EVC: variants seen among roughly 807,000 people sequenced by gnomAD.
EVC encodes the protein evC complex member EVC.
A neutral mutation model predicts 118.9 loss-of-function variants in EVC; 116 were observed. The ratio of observed to expected loss-of-function variants is 0.98; its 90% CI spans 0.84 to 1.14. The LOEUF (loss-of-function observed/expected upper bound fraction) is 1.14, where lower values mean the gene tolerates loss of function less well. Ranked by LOEUF, EVC falls within the 50% of genes most tolerant of loss-of-function variation. The pLI, the probability that EVC is intolerant of heterozygous loss-of-function variation, is 0.00. For synonymous variants in EVC, 619 were observed against 534.7 expected (o/e 1.16, Z -2.18); for missense variants, 1,401 against 1,246.4 (o/e 1.12, Z -1.87).
intron 2 of EVC, among the ~76,000 whole-genome samples, chr4:5,727,141 C>T (rs1417748391): frequency 4.5e-4 from 69 of 151,998 alleles, no homozygotes; most frequent in African/African-American, 1.5e-3. Flanking sequence ...CCTGAGGAAT[C>T]GCCACACTGA....
chr4:5,787,471 G>A (rs979004544), intron 12 of EVC, among the ~76,000 whole-genome samples: 3 of 152,306 alleles, frequency 2.0e-5, no homozygotes, highest in African/African-American at 7.2e-5. Flanking sequence ...GCCATTGCTG[G>A]ACTTGAAGAC....
intron 8 of EVC, among the ~76,000 whole-genome samples, chr4:5,750,753 A>G (rs186492242): frequency 6.6e-6 from 1 of 152,354 alleles, no homozygotes; most frequent in East Asian, 1.9e-4. Flanking sequence ...CCTGCAGGCC[A>G]CATGTCAGCA....
chr4:5,746,187 A>C lies in EVC; in HGVS notation c.939+846A>C, dbSNP rs1211075900. ...CAGCGAGATGGGAGTGTCTATTGCC[A>C]GCGAGGTGGGAGTCACTGAAGCTTT... On this transcript the variant is annotated intron_variant, in intron 7 of 20. Coordinates refer to ENST00000264956, the MANE Select transcript of EVC (RefSeq NM_153717.3). This position sits in a 1 kb window ranked among gnomAD's most constrained non-coding sequence, Gnocchi z 5.8. 6.6e-6 allele frequency among the ~76,000 whole-genome samples: 1 copy of C among 152,234 alleles called. No individual in the cohort carries two copies. Among genetic ancestry groups the C allele is most frequent in the Non-Finnish European group, 1.5e-5 (1 of 68,042 alleles).
At chr4:5,796,975 G>A (rs192954180) in intron 13 of EVC, 47 bp from the exon 14 acceptor site, 1,779 of 1,415,972 alleles carry the variant, frequency 1.3e-3, no homozygotes, top group Non-Finnish European at 1.6e-3. Context: ...CACTGGCTTC[G>A]TGAAGCCAAG....
At chr4:5,810,511 G>C in intron 20 of EVC, 61 bp downstream of exon 20, 1 of 1,316,756 alleles carries the variant, frequency 7.6e-7, no homozygotes, top group Non-Finnish European at 1.1e-6. Flanking sequence ...CTCAGCTGCT[G>C]TGTGCCAAAA....
chr4:5,821,035 C>G, the EVC span: 3 of 152,230 alleles, frequency 2.0e-5, no homozygotes, highest in African/African-American at 7.2e-5. This position sits in a 1 kb window ranked among gnomAD's most constrained non-coding sequence, Gnocchi z 4.4. Context: ...GAACCTGGCT[C>G]GGCCTGAAGC....
intron 15 of EVC, 53 bp from the exon 16 acceptor site, chr4:5,801,897 T>G (rs1577637930): frequency 2.5e-6 from 4 of 1,590,880 alleles, no homozygotes; most frequent in Non-Finnish European, 3.4e-6. Flanking sequence ...GGGCCGTGGG[T>G]GGCTCCCACG....
rs1268800623 is a variant in EVC, at chr4:5,765,169, T to C, written c.1563+8807T>C. On this transcript the variant is annotated intron_variant, in intron 11 of 20. Coordinates refer to ENST00000264956, the MANE Select transcript of EVC (RefSeq NM_153717.3). ...CTTCATTTTGTTATGTATCCAGTAGTCATTCAGGAGCAGGTTGTTCAGTTT... is the reference window on the plus strand; with the variant it reads ...CTTCATTTTGTTATGTATCCAGTAGCCATTCAGGAGCAGGTTGTTCAGTTT... Among the ~76,000 whole-genome samples, 6 of 118,114 alleles carry C rather than the reference T, an allele frequency of 5.1e-5. 1 individual carries two copies. The highest frequency in any genetic ancestry group is 2.0e-4 in the African/African-American group (6 of 30,406). 77.5% of individuals were successfully genotyped at this position (118,114 alleles called of 152,430 possible). A position where few individuals can be genotyped will look rare whatever the true frequency, so the allele number is the denominator to read the frequency against.
rs147500557 is a variant in EVC, at chr4:5,801,068, G to C, written c.2305-882G>C. ...CATCCCCAATGATGGGATGTCTCAG[G>C]GTCTCCTGTCTTTTCTACTTTGGTC... is the stretch of plus-strand genomic sequence containing the variant. On this transcript the variant is annotated intron_variant, in intron 15 of 20. Coordinates refer to ENST00000264956, the MANE Select transcript of EVC (RefSeq NM_153717.3). Among the ~76,000 whole-genome samples the C allele has an allele frequency of 7.7e-3, 1,173 of 152,254 alleles. 15 individuals carry two copies. Among genetic ancestry groups the C allele is most frequent in the African/African-American group, 0.026 (1,100 of 41,534 alleles).
At chr4:5,821,817 G>C in the EVC span, 7 of 1,610,082 alleles carry the variant, frequency 4.3e-6, no homozygotes. This position sits in a 1 kb window ranked among gnomAD's most constrained non-coding sequence, Gnocchi z 4.4. Context: ...TGCGGTGGCC[G>C]GTGCGCCTGG....
chr4:5,729,116 C>T (rs1447117401), intron 2 of EVC, among the ~76,000 whole-genome samples, 191 bp from the exon 3 acceptor site: 1 of 152,066 alleles, frequency 6.6e-6, no homozygotes, highest in Non-Finnish European at 1.5e-5. Context: ...ATCTATCCAT[C>T]CATCTGTTTG....
chr4:5,743,290 A>G lies in EVC; in HGVS notation c.801+1476A>G, dbSNP rs2152013341. Reference sequence around the variant, plus strand: ...TGATCAGCAGGGTTGTGATCAGAAAACAAGTCCTGCCAGTCTCCTACCTCA... The same window carrying G: ...TGATCAGCAGGGTTGTGATCAGAAAGCAAGTCCTGCCAGTCTCCTACCTCA... On this transcript the variant is annotated intron_variant, in intron 6 of 20. Transcript: ENST00000264956. This position sits in a 1 kb window ranked among gnomAD's most constrained non-coding sequence, Gnocchi z 4.7. Among the ~76,000 whole-genome samples, 1 of 152,238 alleles carries G rather than the reference A, an allele frequency of 6.6e-6. No individual in the cohort carries two copies. The highest frequency in any genetic ancestry group is 2.1e-4 in the South Asian group (1 of 4,820).
rs1423631770 is a variant in EVC at position 5,789,875 on chromosome 4, C to T, written c.1777-3733C>T. 6.6e-6 allele frequency among the ~76,000 whole-genome samples: 1 copy of T among 152,152 alleles called. No individual in the cohort carries two copies. The highest frequency in any genetic ancestry group is 6.6e-5 in the Admixed American group (1 of 15,264). On this transcript the variant is annotated intron_variant, in intron 12 of 20. Transcript: ENST00000264956. The surrounding 1 kb of genome is among the most constrained non-coding windows in gnomAD (Gnocchi z 4.3). Reference sequence around the variant, plus strand: ...CTATATACTTTAGTGGCAATGCAGACTCACCTTTCAAAGAATCAAGACTGG... The same window carrying T: ...CTATATACTTTAGTGGCAATGCAGATTCACCTTTCAAAGAATCAAGACTGG...
intron 11 of EVC, among the ~76,000 whole-genome samples, chr4:5,774,161 A>G (rs1039239335): frequency 6.6e-6 from 1 of 151,564 alleles, no homozygotes; most frequent in Admixed American, 6.6e-5. Context: ...CTTCAGTCCT[A>G]CTGGGCCACC....
intron 17 of EVC, among the ~76,000 whole-genome samples, chr4:5,807,498 T>C (rs1000167353): frequency 1.4e-4 from 21 of 152,054 alleles, no homozygotes; most frequent in Non-Finnish European, 2.6e-4. Flanking sequence ...CCCTAAAAGA[T>C]GGGAAGGAGG....
chr4:5,825,409 C>G, the EVC span: 1 of 1,489,786 alleles, frequency 6.7e-7, no homozygotes, highest in African/African-American at 1.4e-5. This position sits in a 1 kb window ranked among gnomAD's most constrained non-coding sequence, Gnocchi z 4.4. Flanking sequence ...TCCAAGGCCA[C>G]GTGTCCATTT....
intron 8 of EVC, 130 bp from the exon 9 acceptor site, chr4:5,752,706 C>T: frequency 1.1e-6 from 1 of 938,502 alleles, no homozygotes; most frequent in South Asian, 1.4e-5. Context: ...GAGTTCATCC[C>T]TCTGAGCTCC....
intron 17 of EVC, 69 bp from the exon 18 acceptor site, chr4:5,808,132 T>TGCCGG: frequency 2.2e-6 from 1 of 464,752 alleles, no homozygotes; most frequent in Non-Finnish European, 4.1e-6. Context: ...GCCTTCCTTC[T>TGCCGG]CCCTCCCTCC....
At chr4:5,714,872 A>C (rs954532225) in intron 1 of EVC, among the ~76,000 whole-genome samples, 1 of 151,892 alleles carries the variant, frequency 6.6e-6, no homozygotes, top group Non-Finnish European at 1.5e-5. Flanking sequence ...TGGCATGATC[A>C]CAGTTCACAG....
Sources: allele counts gnomAD v4.1 joint callset (sites outside exome capture counted in the v4.1 genomes callset), GRCh38; gene constraint gnomAD v4.1.1; non-coding constraint Gnocchi (gnomAD v3.1); transcripts MANE v1.5; gene names NCBI Gene and HGNC (gene_info 2026-07-23, HGNC 2026-07-21).